Variants in MTUS1 observed in about 807,000 individuals in gnomAD.
The protein encoded by MTUS1 is microtubule associated scaffold protein 1.
Under a neutral mutation model 120.8 loss-of-function variants are expected in MTUS1, and 109 were observed. That is an observed-to-expected ratio of 0.90 (90% confidence interval 0.77 to 1.06). MTUS1 has a LOEUF of 1.06. MTUS1 is among the 50% of genes least tolerant of loss of function. The probability of loss-of-function intolerance (pLI) is 0.00; values close to 1 mark genes in which losing one functional copy is unlikely to be tolerated. For synonymous variants in MTUS1, 737 were observed against 550.5 expected, an observed-to-expected ratio of 1.34 and a Z score of -4.74; for missense variants, 2,210 against 1,486.3, an observed-to-expected ratio of 1.49 and a Z score of -8.01.
chr8:17,793,870 T>C (rs1005946033), intron 1 of MTUS1, among the ~76,000 whole-genome samples: 4 of 152,146 alleles, frequency 2.6e-5, no homozygotes. Context: ...CCTGGGAGAA[T>C]ATTTCGAACA....
chr8:17,757,820 C>T (rs2048738844), intron 1 of MTUS1, among the ~76,000 whole-genome samples: 1 of 152,166 alleles, frequency 6.6e-6, no homozygotes, highest in South Asian at 2.1e-4. Flanking sequence ...AGCCACCACG[C>T]CCGGCCACTT....
At chr8:17,674,624 G>T in intron 8 of MTUS1, 1 of 986,550 alleles carries the variant, frequency 1.0e-6, no homozygotes, top group South Asian at 4.7e-5. Flanking sequence ...TAAACTGCAG[G>T]GCTGGGTGGT....
At chr8:17,720,948 A>T (rs1213442090) in intron 4 of MTUS1, among the ~76,000 whole-genome samples, 1 of 152,200 alleles carries the variant, frequency 6.6e-6, no homozygotes, top group Non-Finnish European at 1.5e-5. Context: ...CCCAAATAAG[A>T]ACAATTTATT....
chr8:17,647,336 C>G (rs1280129427), intron 13 of MTUS1: 1 of 347,712 alleles, frequency 2.9e-6, no homozygotes, highest in Non-Finnish European at 5.2e-6. Flanking sequence ...TGTTCCAGGT[C>G]ATGTTGTTTT....
chr8:17,686,714 A>G (rs1292322861), intron 6 of MTUS1, among the ~76,000 whole-genome samples: 1 of 152,174 alleles, frequency 6.6e-6, no homozygotes, highest in Admixed American at 6.5e-5. Context: ...AATATTTTGG[A>G]GAAAATATTC....
upstream of MTUS1, chr8:17,801,464 G>A (rs933546317): frequency 1.3e-5 from 2 of 151,854 alleles, no homozygotes; most frequent in Non-Finnish European, 2.9e-5. Context: ...GCCGTACCTC[G>A]GGGCGCTGGA....
chr8:17,744,774 C>T (rs892338238), intron 2 of MTUS1, among the ~76,000 whole-genome samples: 2 of 148,026 alleles, frequency 1.4e-5, no homozygotes, highest in African/African-American at 5.0e-5. Flanking sequence ...TCAAACTCCA[C>T]ACTTCGTGAT....
At chr8:17,775,240 G>C (rs79588644) in intron 1 of MTUS1, among the ~76,000 whole-genome samples, 1 of 151,990 alleles carries the variant, frequency 6.6e-6, no homozygotes, top group Non-Finnish European at 1.5e-5. Flanking sequence ...GGTTGAAAAC[G>C]TAAATTTCAT....
intron 1 of MTUS1, among the ~76,000 whole-genome samples, chr8:17,767,662 G>T (rs1347341121): frequency 1.4e-5 from 2 of 146,328 alleles, no homozygotes; most frequent in Admixed American, 6.9e-5. Context: ...TCACGCTACT[G>T]CACTCCAGCC....
chr8:17,706,356 T>C lies in MTUS1; in HGVS notation c.2623+6858A>G, dbSNP rs576310648. 2.0e-5 allele frequency among the ~76,000 whole-genome samples: 3 copies of C among 152,228 alleles called. No homozygotes were observed. In the South Asian group the frequency reaches 6.2e-4, roughly 32 times the overall value. On this transcript the variant is annotated intron_variant, in intron 6 of 14. Transcript: ENST00000693296. Reference sequence around the variant, plus strand: ...AACTAGCCCAAGGTCAGGACACAAATAGAAAGCAGCAGGACGAAGGTTTAA... The same window carrying C: ...AACTAGCCCAAGGTCAGGACACAAACAGAAAGCAGCAGGACGAAGGTTTAA...
rs778376611 is a variant in MTUS1 at position 17,721,807 on chromosome 8, T to C, written c.2449+1865A>G. ...CAATAAGGTAGCATCATAGTGCCTC[T>C]CTGAACCAGCCGGTGGGGTGAGTGT... On this transcript the variant is annotated intron_variant, in intron 4 of 14. Transcript: ENST00000693296. 10 of 1,614,172 alleles carry C rather than the reference T, an allele frequency of 6.2e-6. No individual in the cohort carries two copies. In the South Asian group the frequency reaches 1.1e-4, roughly 18 times the overall value.
intron 1 of MTUS1, among the ~76,000 whole-genome samples, chr8:17,783,582 G>A (rs572925146): frequency 6.6e-6 from 1 of 152,214 alleles, no homozygotes; most frequent in South Asian, 2.1e-4. Flanking sequence ...GAAGAATGTG[G>A]AAATTCACAA....
intron 1 of MTUS1, among the ~76,000 whole-genome samples, chr8:17,772,644 G>A (rs527589300): frequency 1.3e-5 from 2 of 152,244 alleles, no homozygotes; most frequent in Admixed American, 1.3e-4. Context: ...TTCCTACAAA[G>A]AGAAACTAGG....
chr8:17,645,821 C>G lies in MTUS1; in HGVS notation c.*105G>C, dbSNP rs1321008851. On this transcript the variant is annotated 3_prime_UTR_variant, in exon 15 of 15. Coordinates refer to ENST00000693296, the MANE Select transcript of MTUS1 (RefSeq NM_001363059.2). ...GACGCTCCAGTTACCCTACGGTGAT[C>G]ACACGTGTGCTGATATACCTCTTGT... 2.1e-6 allele frequency: 3 copies of G among 1,432,872 alleles called. No individual in the cohort carries two copies. The highest frequency in any genetic ancestry group is 2.9e-5 in the African/African-American group (2 of 69,884). 88.8% of individuals were successfully genotyped at this position (1,432,872 alleles called of 1,614,324 possible).
intron 7 of MTUS1, among the ~76,000 whole-genome samples, chr8:17,680,673 A>G (rs960704910): frequency 1.3e-5 from 2 of 151,978 alleles, no homozygotes; most frequent in Admixed American, 1.3e-4. Flanking sequence ...TTTTTCCTCT[A>G]GCGTTGGATC....
At chr8:17,787,451 T>G (rs766844508) in intron 1 of MTUS1, among the ~76,000 whole-genome samples, 4 of 152,180 alleles carry the variant, frequency 2.6e-5, no homozygotes, top group Non-Finnish European at 5.9e-5. Flanking sequence ...TCTACTCCAA[T>G]GTGTAATCTT....
chr8:17,799,378 G>T (rs986993907), intron 1 of MTUS1, among the ~76,000 whole-genome samples: 1 of 151,898 alleles, frequency 6.6e-6, no homozygotes, highest in African/African-American at 2.4e-5. Context: ...AAACCTCCAC[G>T]CAATAGTATA....
intron 8 of MTUS1, among the ~76,000 whole-genome samples, chr8:17,668,924 T>C (rs2130555484): frequency 6.6e-6 from 1 of 152,190 alleles, no homozygotes; most frequent in East Asian, 1.9e-4. Flanking sequence ...TAGAAAAACA[T>C]TTGTGCATAA....
chr8:17,697,526 C>A, intron 6 of MTUS1: 2 of 1,382,494 alleles, frequency 1.4e-6, no homozygotes, highest in South Asian at 1.9e-5. Flanking sequence ...ACCAGAGAGG[C>A]ATAGAAGAAA....
Sources: gnomAD v4.1 joint callset for allele counts (sites outside exome capture counted in the v4.1 genomes callset) on GRCh38, gnomAD v4.1.1 for gene constraint, MANE v1.5 for transcripts, NCBI Gene and HGNC (gene_info 2026-07-23, HGNC 2026-07-21) for gene names.